DPP10: variants seen among roughly 807,000 people sequenced by gnomAD.
DPP10 encodes the protein inactive dipeptidyl peptidase 10.
In DPP10, 33 loss-of-function variants were observed where a neutral mutation model predicts 120.9. The observed-to-expected ratio is 0.27, with a 90% CI of 0.21 to 0.37. The LOEUF is 0.37. Among genes scored for constraint, DPP10 ranks in the 10% least tolerant of loss-of-function variants. The probability of loss-of-function intolerance (pLI) is 1.00; values close to 1 mark genes in which losing one functional copy is unlikely to be tolerated. For missense variants in DPP10, 816 were observed against 942.8 expected, an observed-to-expected ratio of 0.87 and a Z score of 1.76; for synonymous variants, 337 against 326.1, an observed-to-expected ratio of 1.03 and a Z score of -0.36.
intron 1 of DPP10, among the ~76,000 whole-genome samples, chr2:115,185,192 T>A (rs1466778174): frequency 1.3e-5 from 2 of 152,048 alleles, no homozygotes; most frequent in Non-Finnish European, 2.9e-5. Flanking sequence ...CACAGCACGT[T>A]AACTCCTTTA....
intron 1 of DPP10, among the ~76,000 whole-genome samples, chr2:114,874,767 T>A (rs1034006050): frequency 1.1e-4 from 17 of 152,076 alleles, no homozygotes; most frequent in Non-Finnish European, 1.0e-4. Context: ...GGACTGCTGG[T>A]ATAGATTATA....
chr2:115,219,319 A>G (rs147570620), intron 1 of DPP10, among the ~76,000 whole-genome samples: 205 of 152,272 alleles, frequency 1.3e-3, no homozygotes, highest in African/African-American at 4.7e-3. Flanking sequence ...TATTCATTAC[A>G]TAATAGGAAC....
intron 1 of DPP10, among the ~76,000 whole-genome samples, chr2:114,798,660 A>G (rs925514902): frequency 6.6e-6 from 1 of 152,158 alleles, no homozygotes; most frequent in African/African-American, 2.4e-5. Context: ...TGACAGTGAC[A>G]GGGGTGGGGG....
Position 114,523,243 on chromosome 2 carries a change from G to A in DPP10, c.60+80405G>A, listed in dbSNP as rs138699336. 3.9e-5 allele frequency among the ~76,000 whole-genome samples: 6 copies of A among 152,204 alleles called. No homozygotes were observed. In the East Asian group the frequency reaches 1.2e-3, roughly 29 times the overall value. ...GTGCTAGCCCCATTTTGAGGTGAGG[G>A]GCTGGACTTTTGTTCCCTCCTTTCA... On this transcript the variant is annotated intron_variant, in intron 1 of 25. Coordinates refer to ENST00000410059, the MANE Select transcript of DPP10 (RefSeq NM_020868.6).
At chr2:115,360,759 C>T (rs536850217) in intron 3 of DPP10, among the ~76,000 whole-genome samples, 10 of 152,230 alleles carry the variant, frequency 6.6e-5, no homozygotes, top group East Asian at 3.9e-4. Context: ...GCAGGAGACC[C>T]GTAGTCCCCT....
intron 1 of DPP10, among the ~76,000 whole-genome samples, chr2:114,541,236 C>T (rs1686925587): frequency 1.3e-5 from 2 of 152,090 alleles, no homozygotes; most frequent in Non-Finnish European, 2.9e-5. Flanking sequence ...ACTTATACTC[C>T]CCTGACATAC....
chr2:115,552,401 G>A (rs574045748), intron 5 of DPP10, among the ~76,000 whole-genome samples: 21 of 152,042 alleles, frequency 1.4e-4, no homozygotes, highest in Non-Finnish European at 3.1e-4. Context: ...TCTGAATTTT[G>A]TCTTGTACTT....
intron 1 of DPP10, among the ~76,000 whole-genome samples, chr2:114,718,801 C>A (rs1474733371): frequency 1.3e-5 from 2 of 152,104 alleles, no homozygotes; most frequent in Non-Finnish European, 2.9e-5. Flanking sequence ...CTAGGAGGTA[C>A]CATAATTCAA....
intron 1 of DPP10, among the ~76,000 whole-genome samples, chr2:114,670,654 C>T (rs966221753): frequency 1.3e-5 from 2 of 152,112 alleles, no homozygotes; most frequent in Admixed American, 6.6e-5. Flanking sequence ...ACATTGTGCA[C>T]ATGCACCCTA....
chr2:115,489,829 C>G (rs2076006178), intron 3 of DPP10, among the ~76,000 whole-genome samples: 1 of 152,042 alleles, frequency 6.6e-6, no homozygotes, highest in Admixed American at 6.6e-5. Flanking sequence ...CAAGCCTTTC[C>G]CAGATCTAGG....
intron 1 of DPP10, among the ~76,000 whole-genome samples, chr2:114,990,277 T>G (rs1700681066): frequency 6.6e-6 from 1 of 152,168 alleles, no homozygotes; most frequent in African/African-American, 2.4e-5. Flanking sequence ...CACAATCATA[T>G]AAAGAGATTA....
chr2:115,387,554 A>G (rs553189575), intron 3 of DPP10, among the ~76,000 whole-genome samples: 13 of 152,328 alleles, frequency 8.5e-5, no homozygotes, highest in East Asian at 1.9e-4. Context: ...TATAATTGAT[A>G]TATTTGAATC....
At chr2:115,699,022 G>GAAAAAAA (rs758818861) in intron 7 of DPP10, among the ~76,000 whole-genome samples, 1,082 of 38,830 alleles carry the variant, frequency 0.028, 88 homozygotes, top group Admixed American at 0.055. Flanking sequence ...TAGCTTGACT[G>GAAAAAAA]AAAAAAAAAA....
intron 1 of DPP10, among the ~76,000 whole-genome samples, chr2:114,780,521 T>G (rs1050464646): frequency 6.6e-6 from 1 of 152,094 alleles, no homozygotes; most frequent in South Asian, 2.1e-4. Flanking sequence ...TGTGTTTATA[T>G]AGTAAAACAA....
intron 1 of DPP10, among the ~76,000 whole-genome samples, chr2:114,933,104 A>G (rs1387681154): frequency 2.6e-5 from 4 of 152,308 alleles, no homozygotes; most frequent in East Asian, 1.9e-4. Flanking sequence ...AACTTACACT[A>G]TGAACAAAGC....
At chr2:115,379,013 CTT>C (rs1243560669) in intron 3 of DPP10, among the ~76,000 whole-genome samples, 1 of 152,154 alleles carries the variant, frequency 6.6e-6, no homozygotes, top group Admixed American at 6.6e-5. Flanking sequence ...CTAACATTCT[CTT>C]TTTTGGTTGT....
intron 3 of DPP10, among the ~76,000 whole-genome samples, chr2:115,395,195 C>T (rs932706002): frequency 1.3e-5 from 2 of 152,190 alleles, no homozygotes; most frequent in Non-Finnish European, 2.9e-5. Context: ...CTGAGCCTGT[C>T]TTCTTGGCTT....
intron 1 of DPP10, among the ~76,000 whole-genome samples, chr2:115,276,778 T>A (rs1038871326): frequency 6.6e-6 from 1 of 152,214 alleles, no homozygotes; most frequent in African/African-American, 2.4e-5. Context: ...ATCATATTCC[T>A]TTTTACCTTC....
At chr2:114,919,198 G>A (rs1282401890) in intron 1 of DPP10, among the ~76,000 whole-genome samples, 1 of 152,094 alleles carries the variant, frequency 6.6e-6, no homozygotes, top group Non-Finnish European at 1.5e-5. Flanking sequence ...CAACTTAAGT[G>A]TAAAATATAT....
Sources: gnomAD v4.1 joint callset for allele counts (sites outside exome capture counted in the v4.1 genomes callset) on GRCh38, gnomAD v4.1.1 for gene constraint, MANE v1.5 for transcripts, NCBI Gene and HGNC (gene_info 2026-07-23, HGNC 2026-07-21) for gene names.